The following RCAN3 variants were observed in gnomAD, a reference collection of about 807,000 sequenced individuals.
RCAN3 encodes the protein calcipressin-3.
In RCAN3, 19 loss-of-function variants were observed where a neutral mutation model predicts 21.9. The observed-to-expected ratio is 0.87, with a 90% CI of 0.61 to 1.27. The LOEUF is 1.27. Ranked by LOEUF, RCAN3 falls within the 50% of genes most tolerant of loss-of-function variation. The pLI, the probability that RCAN3 is intolerant of heterozygous loss-of-function variation, is 0.00. For missense variants in RCAN3, 240 were observed against 300.1 expected, an observed-to-expected ratio of 0.80 and a Z score of 1.48; for synonymous variants, 114 against 112.3, an observed-to-expected ratio of 1.01 and a Z score of -0.09.
chr1:24,507,234 C>T (rs368649404), intron 1 of RCAN3, among the ~76,000 whole-genome samples: 67 of 152,276 alleles, frequency 4.4e-4, no homozygotes, highest in African/African-American at 1.6e-3. Flanking sequence ...ATCACGTGAC[C>T]TTTGTGCATG....
At chr1:24,516,922 T>C (rs1006540997) in intron 2 of RCAN3, among the ~76,000 whole-genome samples, 1 of 152,218 alleles carries the variant, frequency 6.6e-6, no homozygotes, top group Admixed American at 6.5e-5. Context: ...CATTTTGAAA[T>C]CATCCTTTTG....
In RCAN3 at chr1:24,537,290, A is replaced by C. The variant is rs557935833; in HGVS notation, c.*2013A>C. The C allele has an allele frequency of 6.6e-6, 1 of 152,074 alleles. No homozygotes were observed. The highest frequency in any genetic ancestry group is 2.1e-4 in the South Asian group (1 of 4,832). 9.4% of individuals were successfully genotyped at this position (152,074 alleles called of 1,614,324 possible). A position where few individuals can be genotyped will look rare whatever the true frequency, so the allele number is the denominator to read the frequency against. ...TCTATTTTTTTTTTGAGAGCCTTGA[A>C]TAAATTGAAGAAAACTTTAAACCAA... On this transcript the variant is annotated 3_prime_UTR_variant, in exon 5 of 5. Coordinates refer to ENST00000374395, the MANE Select transcript of RCAN3 (RefSeq NM_013441.4).
At chr1:24,533,041 GC>G in intron 3 of RCAN3, 41 bp from the exon 4 acceptor site, 2 of 1,322,126 alleles carry the variant, frequency 1.5e-6, no homozygotes. Flanking sequence ...AGAAAACATA[GC>G]CCGGTTTGCA....
At position 24,531,386 on chromosome 1, in the gene RCAN3, G is replaced by A; in HGVS notation, c.364G>A (p.Ala122Thr). Residue 122 changes from alanine (A) to threonine (T), a missense_variant, in exon 3 of 5, where the codon GCA becomes ACA. By Grantham distance (58) the Ala-to-Thr change is moderately conservative (BLOSUM62 0). Transcript: ENST00000374395. ...FNGQKLKLYF[A>T]QVQMSGEVRD... The stretch of plus-strand genomic sequence containing the variant: ...TGGGCAGAAGCTAAAGCTATATTTT[G>A]CACAGGTACTTCACCGTGCAGAGAA... 1 of 1,607,394 alleles carries A rather than the reference G, an allele frequency of 6.2e-7. No individual in the cohort carries two copies. The highest frequency in any genetic ancestry group is 8.5e-7 in the Non-Finnish European group (1 of 1,176,864).
chr1:24,517,388 A>G (rs1475731034), intron 2 of RCAN3, among the ~76,000 whole-genome samples: 1 of 152,142 alleles, frequency 6.6e-6, no homozygotes, highest in East Asian at 1.9e-4. Context: ...AAGTGCTGGT[A>G]TTACAGGCGT....
At chr1:24,533,807 G>C (rs990451819) in intron 4 of RCAN3, among the ~76,000 whole-genome samples, 1 of 151,966 alleles carries the variant, frequency 6.6e-6, no homozygotes, top group African/African-American at 2.4e-5. Context: ...CTCCAAAAAA[G>C]TAAAAATAAA....
rs527750884 is a variant in RCAN3 at position 24,535,563 on chromosome 1, G to A, written c.*286G>A. 6.5e-6 allele frequency: 2 copies of A among 309,706 alleles called. No homozygotes were observed. Among genetic ancestry groups the A allele is most frequent in the African/African-American group, 2.1e-5 (1 of 46,798 alleles). The allele number at this position is 309,706 out of a possible 1,614,324, so 19.2% of individuals were successfully genotyped here. A position where few individuals can be genotyped will look rare whatever the true frequency, so the allele number is the denominator to read the frequency against. ...TAAATAGTAACAAATTAGGAAAACA[G>A]CTCCCCTCCCCTCCAGCCATGTAAG... is the stretch of plus-strand genomic sequence containing the variant. On this transcript the variant is annotated 3_prime_UTR_variant, in exon 5 of 5. Coordinates refer to ENST00000374395, the MANE Select transcript of RCAN3 (RefSeq NM_013441.4).
intron 2 of RCAN3, among the ~76,000 whole-genome samples, chr1:24,524,053 C>T (rs1455465319): frequency 6.6e-6 from 1 of 151,982 alleles, no homozygotes; most frequent in Non-Finnish European, 1.5e-5. Flanking sequence ...ATAGCAAAAC[C>T]CCATCTGTAC....
At chr1:24,522,829 T>A (rs1648926623) in intron 2 of RCAN3, among the ~76,000 whole-genome samples, 1 of 152,152 alleles carries the variant, frequency 6.6e-6, no homozygotes. Context: ...GATAGACTAA[T>A]ATAAAAAACA....
intron 1 of RCAN3, among the ~76,000 whole-genome samples, chr1:24,512,450 G>A (rs1647966929): frequency 6.6e-6 from 1 of 152,042 alleles, no homozygotes; most frequent in Admixed American, 6.5e-5. Context: ...TGGCTTTGCT[G>A]GGAGTGCCTT....
In RCAN3 at chr1:24,540,052, A is replaced by T. The variant is rs1322003030; in HGVS notation, c.*4775A>T. ...TTCGCTGAATACTTATTTGTCTTTT[A>T]AACTCCCCTCGGTGTATGGATCATC... On this transcript the variant is annotated 3_prime_UTR_variant, in exon 5 of 5. Coordinates refer to ENST00000374395, the MANE Select transcript of RCAN3 (RefSeq NM_013441.4). 2.0e-5 allele frequency: 3 copies of T among 152,244 alleles called. No individual in the cohort carries two copies. Among genetic ancestry groups the T allele is most frequent in the East Asian group, 3.8e-4 (2 of 5,208 alleles). 9.4% of individuals were successfully genotyped at this position (152,244 alleles called of 1,614,324 possible).
intron 1 of RCAN3, among the ~76,000 whole-genome samples, chr1:24,505,239 T>C (rs1226772155): frequency 9.8e-5 from 14 of 142,178 alleles, no homozygotes; most frequent in South Asian, 4.4e-4. Context: ...TTTCTTTTTT[T>C]TTTTTTTTTT....
Position 24,536,316 on chromosome 1 carries a change from T to A in RCAN3, c.*1039T>A, listed in dbSNP as rs1487074809. On this transcript the variant is annotated 3_prime_UTR_variant, in exon 5 of 5. Transcript: ENST00000374395. Reference sequence around the variant, plus strand: ...CTTGCTTTGAAACAAAAGTCACACCTACTATTTTTCTATGAATTAGGGAAT... The same window carrying A: ...CTTGCTTTGAAACAAAAGTCACACCAACTATTTTTCTATGAATTAGGGAAT... 6.6e-6 allele frequency: 1 copy of A among 152,220 alleles called. No homozygotes were observed. The highest frequency in any genetic ancestry group is 2.4e-5 in the African/African-American group (1 of 41,446). 9.4% of individuals were successfully genotyped at this position (152,220 alleles called of 1,614,324 possible).
intron 1 of RCAN3, among the ~76,000 whole-genome samples, chr1:24,509,348 G>A (rs1004204817): frequency 3.3e-5 from 5 of 152,172 alleles, no homozygotes; most frequent in Non-Finnish European, 7.4e-5. Context: ...CTGTTTGATA[G>A]CATTTTACCT....
chr1:24,512,124 C>T (rs56770642), intron 1 of RCAN3, among the ~76,000 whole-genome samples: 2,130 of 151,944 alleles, frequency 0.014, 58 homozygotes, highest in African/African-American at 0.049. Flanking sequence ...CCGAGGCGGG[C>T]GGATAACTTA....
At chr1:24,522,546 G>C (rs1648905213) in intron 2 of RCAN3, among the ~76,000 whole-genome samples, 1 of 152,210 alleles carries the variant, frequency 6.6e-6, no homozygotes, top group Non-Finnish European at 1.5e-5. Flanking sequence ...TGCCCACAGA[G>C]GTGACCAGCT....
In RCAN3 at chr1:24,514,342, T is replaced by C. The variant is rs770670625; in HGVS notation, c.-31T>C. On this transcript the variant is annotated 5_prime_UTR_variant, in exon 2 of 5. Transcript: ENST00000374395. ...GTGCCTGATAGACATCCTAGGACTA[T>C]ACAGAAGGAAAAGGCCCACTTTGGG... is the stretch of plus-strand genomic sequence containing the variant. 6.3e-6 allele frequency: 10 copies of C among 1,593,828 alleles called. No individual in the cohort carries two copies. Among genetic ancestry groups the C allele is most frequent in the Admixed American group, 3.5e-5 (2 of 57,752 alleles).
chr1:24,533,320 C>G (rs1649952667), intron 4 of RCAN3, 66 bp downstream of exon 4: 3 of 1,286,346 alleles, frequency 2.3e-6, no homozygotes, highest in Non-Finnish European at 3.1e-6. Context: ...TCGTATTCAG[C>G]AGTGTGCATT....
intron 3 of RCAN3, among the ~76,000 whole-genome samples, chr1:24,532,200 C>T (rs1018627796): frequency 5.9e-5 from 9 of 151,814 alleles, no homozygotes; most frequent in African/African-American, 1.9e-4. Flanking sequence ...TTTCTCTCTT[C>T]ATCCATTTAT....
Sources: gnomAD v4.1 joint callset for allele counts (sites outside exome capture counted in the v4.1 genomes callset) on GRCh38, gnomAD v4.1.1 for gene constraint, MANE v1.5 for transcripts, NCBI Gene and HGNC (gene_info 2026-07-23, HGNC 2026-07-21) for gene names.